NARF: variants seen among roughly 807,000 people sequenced by gnomAD.
NARF encodes the protein iron-only hydrogenase-like protein 2.
Under a neutral mutation model 48.0 loss-of-function variants are expected in NARF, and 41 were observed. The observed-to-expected ratio is 0.85, with a 90% CI of 0.66 to 1.11. The LOEUF (loss-of-function observed/expected upper bound fraction) is 1.11, where lower values mean the gene tolerates loss of function less well. Among genes scored for constraint, NARF ranks in the 50% least tolerant of loss-of-function variants. The probability of loss-of-function intolerance (pLI) is 0.00; values close to 1 mark genes in which losing one functional copy is unlikely to be tolerated. For missense variants in NARF, 613 were observed against 590.2 expected (o/e 1.04, Z -0.40); for synonymous variants, 215 against 225.5 (o/e 0.95, Z 0.42).
rs145720626 is a variant in NARF at position 82,465,606 on chromosome 17, C to T, written c.252+1176C>T. Among the ~76,000 whole-genome samples, 715 of 152,304 alleles carry T rather than the reference C, an allele frequency of 4.7e-3. 6 individuals carry two copies. The highest frequency in any genetic ancestry group is 0.024 in the Middle Eastern group (7 of 294). On this transcript the variant is annotated intron_variant, in intron 3 of 10. Transcript: ENST00000309794. ...TATTTTTCTTTGTGAGACAGGGCCT[C>T]ACCCAGGCTGGAGTGCAGTGGAGAG...
At chr17:82,459,575 G>C (rs1476090096) in intron 1 of NARF, 1 of 177,414 alleles carries the variant, frequency 5.6e-6, no homozygotes, top group East Asian at 1.6e-4. Flanking sequence ...AGGGTTAGAA[G>C]GATAGAAGGC....
At chr17:82,461,610 C>CA (rs1366560979) in intron 2 of NARF, among the ~76,000 whole-genome samples, 2 of 152,102 alleles carry the variant, frequency 1.3e-5, no homozygotes, top group African/African-American at 2.4e-5. Context: ...GACTCCGTCT[C>CA]AAAAAAAAGA....
chr17:82,483,298 G>A (rs1012184995), intron 7 of NARF: 2 of 344,840 alleles, frequency 5.8e-6, no homozygotes, highest in East Asian at 1.0e-4. Context: ...CAGCCTGGGC[G>A]GCGGAGGTGA....
intron 5 of NARF, chr17:82,478,453 A>G: frequency 2.6e-6 from 1 of 389,906 alleles, no homozygotes; most frequent in Non-Finnish European, 5.2e-6. Context: ...GTAGCTGGCC[A>G]GGCGATTTTG....
At position 82,483,766 on chromosome 17, in the gene NARF, G is replaced by GC; in HGVS notation, c.822dup (p.Val275ArgfsTer17). The GC allele has an allele frequency of 6.2e-7, 1 of 1,613,748 alleles. No individual in the cohort carries two copies. Among genetic ancestry groups the GC allele is most frequent in the South Asian group, 1.1e-5 (1 of 91,068 alleles). On this transcript the variant is annotated frameshift_variant, in exon 8 of 11. Coordinates refer to ENST00000309794, the MANE Select transcript of NARF (RefSeq NM_012336.4). LOFTEE classifies it high-confidence loss of function. Reference sequence around the variant, plus strand: ...AGGTGACCTCTCAGTGAGAGATGCTGCCGTCGACACTCTGTAAGTGGCTTC... The same window carrying GC: ...AGGTGACCTCTCAGTGAGAGATGCTGCCCGTCGACACTCTGTAAGTGGCTTC...
At position 82,483,609 on chromosome 17, in the gene NARF, A is replaced by G; in HGVS notation, c.770-107A>G. 3.0e-6 allele frequency: 3 copies of G among 990,304 alleles called. No individual in the cohort carries two copies. The South Asian group carries it at 4.1e-5, about 14-fold the overall frequency. The allele number at this position is 990,304 out of a possible 1,614,324, so 61.3% of individuals were successfully genotyped here. ...TCCTGCTGTGTGTGATGGAGATTTC[A>G]TAAGAGGGAGGTCACCCAGGGTCAC... On this transcript the variant is annotated intron_variant, in intron 7 of 10. Coordinates refer to ENST00000309794, the MANE Select transcript of NARF (RefSeq NM_012336.4).
intron 7 of NARF, chr17:82,482,292 T>C (rs1296739200): frequency 7.4e-6 from 3 of 406,860 alleles, no homozygotes; most frequent in African/African-American, 2.2e-5. Flanking sequence ...CCCCACCCCA[T>C]AGGCACAGGC....
At chr17:82,487,074 A>C (rs1416933385) in intron 10 of NARF, among the ~76,000 whole-genome samples, 1 of 152,198 alleles carries the variant, frequency 6.6e-6, no homozygotes, top group East Asian at 1.9e-4. Flanking sequence ...GGTTTTGCCA[A>C]ATTCCAAGAG....
intron 5 of NARF, among the ~76,000 whole-genome samples, chr17:82,473,603 G>A (rs1169134896): frequency 6.6e-5 from 10 of 151,636 alleles, no homozygotes; most frequent in African/African-American, 2.2e-4. Context: ...TGCCTGCCTC[G>A]GCCTCCCAAA....
At chr17:82,465,650 C>G (rs1182524976) in intron 3 of NARF, among the ~76,000 whole-genome samples, 1 of 152,124 alleles carries the variant, frequency 6.6e-6, no homozygotes, top group Non-Finnish European at 1.5e-5. Context: ...TGGGGAGACT[C>G]TGGTGATCCT....
chr17:82,479,320 G>A, intron 6 of NARF: 1 of 171,724 alleles, frequency 5.8e-6, no homozygotes, highest in Non-Finnish European at 1.2e-5. Flanking sequence ...TGTCATTTAG[G>A]GAGCCAAACC....
intron 6 of NARF, 22 bp downstream of exon 6, chr17:82,478,940 G>A (rs758941989): frequency 8.7e-6 from 14 of 1,601,024 alleles, no homozygotes; most frequent in Admixed American, 5.0e-5. Flanking sequence ...TCTCTGGAGG[G>A]CAGGAAGGGC....
chr17:82,467,484 A>G (rs1375972058), intron 3 of NARF, among the ~76,000 whole-genome samples: 3 of 148,798 alleles, frequency 2.0e-5, no homozygotes, highest in Non-Finnish European at 4.5e-5. Flanking sequence ...CTTTTTTTTT[A>G]TTTTTTTATT....
rs1320236701 is a variant in NARF, at chr17:82,484,956, G to A, written c.971+6G>A. On this transcript the variant is annotated splice_donor_region_variant and intron_variant, in intron 9 of 10. Transcript: ENST00000309794. ...GTCACTTACCGAGCCCTGAGGTGTG[G>A]GGCAGTATCCACAGCCTGTCTGTGC... The A allele has an allele frequency of 1.9e-6, 3 of 1,599,260 alleles. No individual in the cohort carries two copies. Among genetic ancestry groups the A allele is most frequent in the East Asian group, 4.5e-5 (2 of 44,616 alleles).
intron 7 of NARF, among the ~76,000 whole-genome samples, chr17:82,481,459 A>T (rs2043963357): frequency 6.6e-6 from 1 of 152,256 alleles, no homozygotes; most frequent in South Asian, 2.1e-4. Flanking sequence ...AGCTGGGCAC[A>T]GTGGCTCACG....
At chr17:82,485,797 G>T (rs892548923) in intron 10 of NARF, 143 bp downstream of exon 10, 1 of 904,870 alleles carries the variant, frequency 1.1e-6, no homozygotes, top group South Asian at 1.7e-5. Context: ...GGATGCTCCC[G>T]TGGGGCTTGT....
chr17:82,460,313 A>C, intron 2 of NARF: 2 of 330,344 alleles, frequency 6.1e-6, no homozygotes, highest in South Asian at 3.6e-5. Context: ...AAAAATACAA[A>C]AATTATCCAG....
chr17:82,483,419 AAAAGTT>A (rs1206208372), intron 7 of NARF: 1 of 361,842 alleles, frequency 2.8e-6, no homozygotes, highest in African/African-American at 2.1e-5. Context: ...AGTAGGCCAA[AAAAGTT>A]TACAGATTTT....
At chr17:82,480,588 T>G in intron 6 of NARF, 1 of 409,294 alleles carries the variant, frequency 2.4e-6, no homozygotes, top group Non-Finnish European at 4.3e-6. Context: ...GCTACAGCAC[T>G]TTCATCTGTG....
Sources: gnomAD v4.1 joint callset for allele counts (sites outside exome capture counted in the v4.1 genomes callset) on GRCh38, gnomAD v4.1.1 for gene constraint, MANE v1.5 for transcripts, NCBI Gene and HGNC (gene_info 2026-07-23, HGNC 2026-07-21) for gene names.